FAM111B: variants seen among roughly 807,000 people sequenced by gnomAD.
The protein encoded by FAM111B is FAM111 trypsin like peptidase B, also known as serine protease FAM111B.
In FAM111B, 1 loss-of-function variant was observed where a neutral mutation model predicts 2.8. The observed-to-expected ratio is 0.36, with a 90% CI of 0.13 to 1.70. The LOEUF (loss-of-function observed/expected upper bound fraction) is 1.70. Among genes scored for constraint, FAM111B ranks in the 40% most tolerant of loss-of-function variants. The pLI is 0.35. For missense variants in FAM111B, 882 were observed against 878.9 expected, an observed-to-expected ratio of 1.00 and a Z score of -0.04; for synonymous variants, 297 against 295.6, an observed-to-expected ratio of 1.00 and a Z score of -0.05.
rs550509007 is a variant in FAM111B, at chr11:59,126,692, A to C, written c.*390A>C. 8.6e-4 allele frequency: 139 copies of C among 162,184 alleles called. No homozygotes were observed. Among genetic ancestry groups the C allele is most frequent in the South Asian group, 1.0e-3 (5 of 4,880 alleles). 10.0% of individuals were successfully genotyped at this position (162,184 alleles called of 1,614,324 possible). A position where few individuals can be genotyped will look rare whatever the true frequency, so the allele number is the denominator to read the frequency against. ...TCATTAGAGAAATGCAAATCAAAAA[A>C]ATGCCATCACACTAATCAGAATGGC... On this transcript the variant is annotated 3_prime_UTR_variant, in exon 4 of 4. Transcript: ENST00000343597.
chr11:59,124,249 G>C lies in FAM111B; in HGVS notation c.152G>C (p.Ser51Thr), dbSNP rs1411861166. 3.7e-6 allele frequency: 6 copies of C among 1,613,816 alleles called. No homozygotes were observed. In the South Asian group the frequency reaches 5.5e-5, roughly 15 times the overall value. ...TGTCTATCTGGCATAAGAAAGTGTA[G>C]CAGCACCTTTAAGCTTAAAAGTGAA... The part of the protein sequence containing the change: ...DHCLSGIRKC[S>T]STFKLKSEVN... The change falls in exon 4 of 4, where the codon AGC (serine) becomes ACC (threonine). Residue 51 changes from serine to threonine, a missense_variant. Physicochemically the swap from Ser to Thr is moderately conservative, Grantham distance 58. Coordinates refer to ENST00000343597, the MANE Select transcript of FAM111B (RefSeq NM_198947.4).
intron 3 of FAM111B, among the ~76,000 whole-genome samples, chr11:59,114,230 T>C (rs997736480): frequency 4.0e-5 from 6 of 151,854 alleles, no homozygotes; most frequent in African/African-American, 1.2e-4. Context: ...TCACTGTAGC[T>C]GGGACCAAGG....
intron 3 of FAM111B, among the ~76,000 whole-genome samples, chr11:59,122,600 C>G (rs1216764749): frequency 6.6e-6 from 1 of 152,136 alleles, no homozygotes; most frequent in African/African-American, 2.4e-5. Context: ...ACACCATTAT[C>G]AGATTCAAGA....
intron 3 of FAM111B, among the ~76,000 whole-genome samples, chr11:59,120,217 A>G (rs1859900014): frequency 1.3e-5 from 2 of 152,228 alleles, no homozygotes; most frequent in East Asian, 1.9e-4. Context: ...CAAAATTAAG[A>G]CAATATTTCA....
At chr11:59,120,595 G>T (rs1859905647) in intron 3 of FAM111B, among the ~76,000 whole-genome samples, 1 of 152,160 alleles carries the variant, frequency 6.6e-6, no homozygotes, top group African/African-American at 2.4e-5. Context: ...GACCTGTTAG[G>T]GCTGTGAGGG....
intron 3 of FAM111B, among the ~76,000 whole-genome samples, chr11:59,116,848 G>A (rs1048441138): frequency 5.9e-5 from 9 of 152,208 alleles, no homozygotes; most frequent in African/African-American, 1.7e-4. Context: ...CTCAGACCCA[G>A]ACTGGGACTG....
At chr11:59,110,762 C>T (rs908800538) in intron 3 of FAM111B, among the ~76,000 whole-genome samples, 3 of 152,150 alleles carry the variant, frequency 2.0e-5, no homozygotes, top group African/African-American at 7.2e-5. Context: ...AAGGAATGGC[C>T]TAAGTAAAGT....
intron 2 of FAM111B, among the ~76,000 whole-genome samples, 171 bp from the exon 3 acceptor site, chr11:59,109,369 G>A (rs1434502550): frequency 6.6e-6 from 1 of 152,122 alleles, no homozygotes; most frequent in Non-Finnish European, 1.5e-5. Context: ...GACTCTGCCT[G>A]TTTCTCCTTC....
intron 3 of FAM111B, among the ~76,000 whole-genome samples, chr11:59,117,080 G>C (rs2135399349): frequency 6.6e-6 from 1 of 152,352 alleles, no homozygotes; most frequent in Middle Eastern, 3.4e-3. Flanking sequence ...ACTACGTGCA[G>C]TTGCTTTGAA....
chr11:59,110,553 T>A (rs189882660), intron 3 of FAM111B, among the ~76,000 whole-genome samples: 20 of 152,272 alleles, frequency 1.3e-4, no homozygotes, highest in Non-Finnish European at 2.1e-4. Context: ...AGTGTTCTAA[T>A]TACAAAAATA....
In FAM111B at chr11:59,124,877, T is replaced by C; in HGVS notation, c.780T>C (p.Ser260=). 1.2e-6 allele frequency: 2 copies of C among 1,608,500 alleles called. No individual in the cohort carries two copies. Among genetic ancestry groups the C allele is most frequent in the Non-Finnish European group, 1.7e-6 (2 of 1,178,436 alleles). Residue 260 remains serine (S), a synonymous_variant, in exon 4 of 4, where the codon TCT becomes TCC. Coordinates refer to ENST00000343597, the MANE Select transcript of FAM111B (RefSeq NM_198947.4). ...YGKQSMVDEV[S]GKVLEMDISK... is the part of the protein sequence containing the mutation. The stretch of plus-strand genomic sequence containing the variant: ...AACAGTCCATGGTGGATGAAGTATC[T>C]GGAAAAGTCTTAGAAATGGACATTT...
chr11:59,109,949 T>A (rs898507391), intron 3 of FAM111B: 1 of 290,768 alleles, frequency 3.4e-6, no homozygotes, highest in Non-Finnish European at 6.4e-6. Context: ...CTTAAAGTCT[T>A]GGAAAGTGTA....
In FAM111B at chr11:59,125,623, T is replaced by C. The variant is rs1042813343; in HGVS notation, c.1526T>C (p.Ile509Thr). 1.1e-5 allele frequency: 17 copies of C among 1,613,826 alleles called. No individual in the cohort carries two copies. Among genetic ancestry groups the C allele is most frequent in the Non-Finnish European group, 1.3e-5 (15 of 1,179,856 alleles). The change falls in exon 4 of 4, where the codon ATT becomes ACT. Residue 509 changes from isoleucine to threonine, a missense_variant. Ile to Thr is a moderately conservative substitution (Grantham distance 89). Coordinates refer to ENST00000343597, the MANE Select transcript of FAM111B (RefSeq NM_198947.4). ...NTHPSLWPDI[I>T]SKCAKVTFTY... ...CATCCAAGTTTGTGGCCAGATATAA[T>C]TAGCAAATGTGCGAAGGTAACCTTC...
chr11:59,118,797 G>A (rs1859878331), intron 3 of FAM111B, among the ~76,000 whole-genome samples: 1 of 152,072 alleles, frequency 6.6e-6, no homozygotes, highest in African/African-American at 2.4e-5. Flanking sequence ...CTCTATGTCT[G>A]TTGAGATGAT....
chr11:59,109,762 T>C (rs1859729896), intron 3 of FAM111B, 56 bp downstream of exon 3: 3 of 1,106,338 alleles, frequency 2.7e-6, no homozygotes, highest in Admixed American at 4.1e-5. Context: ...TATAGTGCCA[T>C]ATGAGGATCT....
rs756153449 is a variant in FAM111B at position 59,124,415 on chromosome 11, T to C, written c.318T>C (p.Ser106=). Residue 106 remains serine (S), a synonymous_variant, in exon 4 of 4, where the codon AGT becomes AGC. Coordinates refer to ENST00000343597, the MANE Select transcript of FAM111B (RefSeq NM_198947.4). ...CAGCATATGGTAAACCCAGCGAGAG[T>C]ATCTACTCAGCCCTGAGTGCTAATG... ...VFTAYGKPSE[S]IYSALSANDY... 3 of 1,613,368 alleles carry C rather than the reference T, an allele frequency of 1.9e-6. No individual in the cohort carries two copies. The highest frequency in any genetic ancestry group is 2.5e-6 in the Non-Finnish European group (3 of 1,179,822).
At chr11:59,117,678 C>T (rs991414514) in intron 3 of FAM111B, among the ~76,000 whole-genome samples, 1 of 152,208 alleles carries the variant, frequency 6.6e-6, no homozygotes, top group Non-Finnish European at 1.5e-5. Context: ...CAAGCTGGGA[C>T]TGGCACTGAA....
At chr11:59,113,709 TAG>T (rs1277431292) in intron 3 of FAM111B, among the ~76,000 whole-genome samples, 1 of 152,182 alleles carries the variant, frequency 6.6e-6, no homozygotes, top group Non-Finnish European at 1.5e-5. Flanking sequence ...CCCCCAGACT[TAG>T]AGTCCCCTGG....
At chr11:59,117,703 A>G (rs997737207) in intron 3 of FAM111B, among the ~76,000 whole-genome samples, 1 of 152,166 alleles carries the variant, frequency 6.6e-6, no homozygotes, top group African/African-American at 2.4e-5. Context: ...CAGGCCACTT[A>G]GTACCCTGTC....
Sources: allele counts gnomAD v4.1 joint callset (sites outside exome capture counted in the v4.1 genomes callset), GRCh38; gene constraint gnomAD v4.1.1; transcripts MANE v1.5; gene names NCBI Gene and HGNC (gene_info 2026-07-23, HGNC 2026-07-21).